Variants in MACROD2 observed in about 807,000 individuals in gnomAD.
The protein encoded by MACROD2 is mono-ADP ribosylhydrolase 2, also known as ADP-ribose glycohydrolase MACROD2.
In MACROD2, 36 loss-of-function variants were observed where a neutral mutation model predicts 70.4. The observed-to-expected ratio is 0.51, with a 90% CI of 0.39 to 0.68. The LOEUF (loss-of-function observed/expected upper bound fraction) is 0.68. MACROD2 is among the 30% of genes least tolerant of loss of function. The pLI, the probability that MACROD2 is intolerant of heterozygous loss-of-function variation, is 0.00. For missense variants in MACROD2, 496 were observed against 538.4 expected (o/e 0.92, Z 0.78); for synonymous variants, 172 against 178.8 (o/e 0.96, Z 0.30).
At chr20:14,797,811 A>G (rs1211198092) in intron 5 of MACROD2, among the ~76,000 whole-genome samples, 2 of 152,018 alleles carry the variant, frequency 1.3e-5, no homozygotes, top group Non-Finnish European at 2.9e-5. Flanking sequence ...TGACCTTTGT[A>G]TTCCCAGTGC....
At chr20:14,386,364 C>A (rs1210131363) in intron 3 of MACROD2, among the ~76,000 whole-genome samples, 3 of 152,174 alleles carry the variant, frequency 2.0e-5, no homozygotes, top group Non-Finnish European at 4.4e-5. Flanking sequence ...CCCACAGATT[C>A]TGCTTTCTCT....
intron 5 of MACROD2, among the ~76,000 whole-genome samples, chr20:15,089,852 A>G (rs2075779866): frequency 6.6e-6 from 1 of 152,150 alleles, no homozygotes; most frequent in Admixed American, 6.6e-5. Context: ...CTTCACAGAC[A>G]TCATGACTGG....
chr20:15,945,293 T>C (rs1459705684), intron 12 of MACROD2, among the ~76,000 whole-genome samples: 1 of 152,232 alleles, frequency 6.6e-6, no homozygotes, highest in Non-Finnish European at 1.5e-5. Context: ...AATCTTGCTC[T>C]GCTACAGGCA....
intron 2 of MACROD2, among the ~76,000 whole-genome samples, chr20:14,037,636 T>TACA (rs1310231878): frequency 1.6e-5 from 2 of 122,694 alleles, no homozygotes; most frequent in African/African-American, 7.3e-5. Context: ...CAACTGTGTG[T>TACA]GTGTTGGTGG....
At chr20:14,019,487 A>G (rs567998260) in intron 2 of MACROD2, among the ~76,000 whole-genome samples, 130 of 152,194 alleles carry the variant, frequency 8.5e-4, no homozygotes, top group Non-Finnish European at 1.6e-3. Context: ...GTTAGCCAAG[A>G]TGGTCTTGAT....
intron 5 of MACROD2, among the ~76,000 whole-genome samples, chr20:15,216,048 C>A (rs1252094471): frequency 6.6e-6 from 1 of 151,872 alleles, no homozygotes; most frequent in African/African-American, 2.4e-5. Flanking sequence ...AGAAAAATGT[C>A]CTGTCCTGAA....
At chr20:15,597,396 G>A (rs2048760391) in intron 8 of MACROD2, among the ~76,000 whole-genome samples, 1 of 152,216 alleles carries the variant, frequency 6.6e-6, no homozygotes, top group Non-Finnish European at 1.5e-5. Flanking sequence ...TGGGGCAAAG[G>A]ATACAAGAGT....
chr20:14,651,188 G>A (rs948898275), intron 4 of MACROD2, among the ~76,000 whole-genome samples: 3 of 152,160 alleles, frequency 2.0e-5, no homozygotes, highest in Non-Finnish European at 2.9e-5. Flanking sequence ...CAGGGACAGC[G>A]TATGCTGCAT....
intron 5 of MACROD2, among the ~76,000 whole-genome samples, chr20:14,688,580 G>GA (rs142260846): frequency 0.12 from 17,905 of 152,138 alleles, 1,642 homozygotes; most frequent in South Asian, 0.27. Context: ...TATTGCTAAG[G>GA]AAATGACTTA....
intron 3 of MACROD2, among the ~76,000 whole-genome samples, chr20:14,469,830 A>T (rs766547253): frequency 6.6e-6 from 1 of 151,002 alleles, no homozygotes; most frequent in Non-Finnish European, 1.5e-5. Context: ...AATTCCTCTA[A>T]CCTTTTTTCA....
chr20:14,685,165 T>TTA lies in MACROD2; in HGVS notation c.418+218_418+219dup, dbSNP rs369003401. On this transcript the variant is annotated intron_variant, in intron 5 of 17. Transcript: ENST00000684519. ...ATAAAATATACATATACTGTGTATA[T>TTA]TATATATATATATGTATATACACAC... The TTA allele has an allele frequency of 4.5e-3, 972 of 216,224 alleles. 1 individual carries two copies. Among genetic ancestry groups the TTA allele is most frequent in the Non-Finnish European group, 6.6e-3 (736 of 111,954 alleles). 13.4% of individuals were successfully genotyped at this position (216,224 alleles called of 1,614,324 possible).
intron 3 of MACROD2, among the ~76,000 whole-genome samples, chr20:14,426,243 A>G (rs1013747575): frequency 6.6e-6 from 1 of 151,774 alleles, no homozygotes; most frequent in Admixed American, 6.6e-5. Flanking sequence ...ATCTCTTTGT[A>G]TTTGATATTT....
intron 8 of MACROD2, among the ~76,000 whole-genome samples, chr20:15,744,297 CAT>C (rs752265122): frequency 3.1e-4 from 47 of 152,180 alleles, no homozygotes; most frequent in Non-Finnish European, 6.3e-4. Flanking sequence ...ATATTAATAA[CAT>C]AAAATCATTT....
intron 3 of MACROD2, among the ~76,000 whole-genome samples, chr20:14,203,195 T>G (rs2081494894): frequency 6.6e-6 from 1 of 152,194 alleles, no homozygotes; most frequent in Non-Finnish European, 1.5e-5. Flanking sequence ...TTGTATTTTT[T>G]AATTTCATTC....
Position 14,034,795 on chromosome 20 carries a change from T to TA in MACROD2, c.163+32398dup, listed in dbSNP as rs1321710660. ...TGTTTCCTCACATCATTTGCTCATT[T>TA]AAAAAAATGTTTTTTCTTAGTGAAC... On this transcript the variant is annotated intron_variant, in intron 2 of 17. Coordinates refer to ENST00000684519, the MANE Select transcript of MACROD2 (RefSeq NM_001351661.2). Among the ~76,000 whole-genome samples, 11 of 152,326 alleles carry TA rather than the reference T, an allele frequency of 7.2e-5. No homozygotes were observed. The South Asian group carries it at 8.3e-4, about 11-fold the overall frequency.
intron 3 of MACROD2, among the ~76,000 whole-genome samples, chr20:14,243,135 C>T (rs1007612704): frequency 6.6e-6 from 1 of 152,198 alleles, no homozygotes; most frequent in Admixed American, 6.5e-5. Flanking sequence ...ACAGATTCAG[C>T]TTTTCAGTTC....
intron 3 of MACROD2, among the ~76,000 whole-genome samples, chr20:14,184,470 G>A (rs561093120): frequency 8.6e-5 from 13 of 151,350 alleles, no homozygotes; most frequent in African/African-American, 2.2e-4. Flanking sequence ...TCATGCCCTC[G>A]GCTTTGTTCT....
At chr20:15,669,589 G>A (rs2049950402) in intron 8 of MACROD2, among the ~76,000 whole-genome samples, 1 of 152,146 alleles carries the variant, frequency 6.6e-6, no homozygotes, top group African/African-American at 2.4e-5. Context: ...CTATGATTAG[G>A]TTTAAGCCTA....
chr20:14,846,887 A>G (rs1243914845), intron 5 of MACROD2, among the ~76,000 whole-genome samples: 3 of 152,160 alleles, frequency 2.0e-5, no homozygotes, highest in Non-Finnish European at 4.4e-5. Flanking sequence ...GTTCATTACC[A>G]TTTGGCATAT....
Sources: allele counts gnomAD v4.1 joint callset (sites outside exome capture counted in the v4.1 genomes callset), GRCh38; gene constraint gnomAD v4.1.1; transcripts MANE v1.5; gene names NCBI Gene and HGNC (gene_info 2026-07-23, HGNC 2026-07-21).